Variants in OPA1 observed in about 807,000 individuals in gnomAD.
OPA1 encodes the protein OPA1 mitochondrial dynamin like GTPase.
Under a neutral mutation model 152.9 loss-of-function variants are expected in OPA1, and 59 were observed. That is an observed-to-expected ratio of 0.39 (90% CI 0.31 to 0.48). The LOEUF (loss-of-function observed/expected upper bound fraction) is 0.48, where lower values mean the gene tolerates loss of function less well. Among genes scored for constraint, OPA1 ranks in the 20% least tolerant of loss-of-function variants. The pLI is 0.96. For missense variants in OPA1, 1,008 were observed against 1,216.8 expected, an observed-to-expected ratio of 0.83 and a Z score of 2.55; for synonymous variants, 400 against 389.9, an observed-to-expected ratio of 1.03 and a Z score of -0.31.
intron 30 of OPA1, among the ~76,000 whole-genome samples, 174 bp from the exon 31 acceptor site, chr3:193,694,429 TAAA>T (rs1271276387): frequency 2.0e-5 from 3 of 152,190 alleles, no homozygotes; most frequent in Admixed American, 6.5e-5. Context: ...TTATGTTTGA[TAAA>T]AAAATTATGC....
At chr3:193,606,715 T>C (rs1727340947) in intron 1 of OPA1, among the ~76,000 whole-genome samples, 1 of 152,312 alleles carries the variant, frequency 6.6e-6, no homozygotes, top group South Asian at 2.1e-4. Context: ...TGAATAGTGC[T>C]GCAATAAACA....
intron 30 of OPA1, among the ~76,000 whole-genome samples, chr3:193,693,077 C>CA (rs1208487964): frequency 1.3e-5 from 2 of 152,266 alleles, no homozygotes; most frequent in African/African-American, 4.8e-5. Context: ...ACCCTACAGA[C>CA]AGCCTGCAGC....
chr3:193,643,109 A>G lies in OPA1; in HGVS notation c.1305+60A>G, dbSNP rs1448222213. The G allele has an allele frequency of 2.3e-5, 32 of 1,371,844 alleles. No homozygotes were observed. In the South Asian group the frequency reaches 2.9e-4, roughly 12 times the overall value. 85.0% of individuals were successfully genotyped at this position (1,371,844 alleles called of 1,614,324 possible). On this transcript the variant is annotated intron_variant, in intron 13 of 30. Coordinates refer to ENST00000361510, the MANE Select transcript of OPA1 (RefSeq NM_130837.3). ...GGAAATTAAATGTTTATGATTTCAA[A>G]TAAATCAAAATCTAGGTATTGATGT... is the stretch of plus-strand genomic sequence containing the variant.
intron 21 of OPA1, among the ~76,000 whole-genome samples, chr3:193,653,153 A>G (rs546703257): frequency 6.6e-6 from 1 of 152,256 alleles, no homozygotes; most frequent in South Asian, 2.1e-4. Flanking sequence ...ACTCTCTGTC[A>G]TTAACTCAGT....
chr3:193,658,135 C>T (rs1714318651), intron 23 of OPA1, among the ~76,000 whole-genome samples: 2 of 151,532 alleles, frequency 1.3e-5, no homozygotes, highest in Non-Finnish European at 2.9e-5. Flanking sequence ...ATCCCAGCTA[C>T]TCGGGAGGCT....
rs116981697 is a variant in OPA1 at position 193,674,214 on chromosome 3, T to C, written c.2983+6934T>C. Among the ~76,000 whole-genome samples the C allele has an allele frequency of 3.1e-3, 469 of 152,362 alleles. 3 individuals are homozygous for C. Among genetic ancestry groups the C allele is most frequent in the South Asian group, 0.017 (83 of 4,830 alleles). ...TCTTCACTTTCCCAGTCTCCTCTTA[T>C]CCTTCATCCTGTGCTTTCTCTTGAT... On this transcript the variant is annotated intron_variant, in intron 29 of 30. Transcript: ENST00000361510.
chr3:193,633,836 A>G (rs1391823675), intron 8 of OPA1, among the ~76,000 whole-genome samples: 1 of 152,150 alleles, frequency 6.6e-6, no homozygotes, highest in African/African-American at 2.4e-5. Context: ...GTGTTAAACA[A>G]CACAGATCTA....
rs3736197 is a variant in OPA1 at position 193,635,139 on chromosome 3, G to A, written c.844-279G>A. On this transcript the variant is annotated intron_variant, in intron 8 of 30. Coordinates refer to ENST00000361510, the MANE Select transcript of OPA1 (RefSeq NM_130837.3). ...AAGAACTACTTCTTTAAATTCTTAC[G>A]TTTTCACTATTTCAAAATAATTTTT... 0.03 allele frequency among the ~76,000 whole-genome samples: 4,585 copies of A among 152,116 alleles called. 65 individuals are homozygous for A. The highest frequency in any genetic ancestry group is 0.035 in the African/African-American group (1,472 of 41,502).
At chr3:193,664,263 A>G (rs970370896) in intron 26 of OPA1, among the ~76,000 whole-genome samples, 2 of 152,100 alleles carry the variant, frequency 1.3e-5, no homozygotes, top group Non-Finnish European at 2.9e-5. Flanking sequence ...AGCTAATAAT[A>G]TGTCCTTTAA....
Position 193,615,054 on chromosome 3 carries a change from T to A in OPA1, c.351+13T>A. On this transcript the variant is annotated intron_variant, in intron 2 of 30. Coordinates refer to ENST00000361510, the MANE Select transcript of OPA1 (RefSeq NM_130837.3). Reference sequence around the variant, plus strand: ...CACAGCCAAAAAGGTGAACTTGACATTCCTCCTGGTTTTCCAATTATTATA... The same window carrying A: ...CACAGCCAAAAAGGTGAACTTGACAATCCTCCTGGTTTTCCAATTATTATA... 6.3e-7 allele frequency: 1 copy of A among 1,593,930 alleles called. No individual in the cohort carries two copies. Among genetic ancestry groups the A allele is most frequent in the Middle Eastern group, 1.7e-4 (1 of 6,016 alleles).
At chr3:193,620,882 A>G (rs868476526) in intron 6 of OPA1, among the ~76,000 whole-genome samples, 1 of 152,224 alleles carries the variant, frequency 6.6e-6, no homozygotes, top group South Asian at 2.1e-4. Context: ...TTGTGTACAA[A>G]TTGATGGTTG....
chr3:193,662,896 A>G lies in OPA1; in HGVS notation c.2595A>G (p.Ala865=). 1.9e-6 allele frequency: 3 copies of G among 1,613,674 alleles called. No individual in the cohort carries two copies. The highest frequency in any genetic ancestry group is 2.5e-6 in the Non-Finnish European group (3 of 1,179,632). ...KCNEEHPAYL[A]SDEITTVRKN... is the part of the protein sequence containing the mutation. ...ATGAGGAGCACCCAGCTTATCTTGC[A>G]AGTGATGAAATAACCACAGTCCGGA... Residue 865 remains alanine (A), a synonymous_variant, in exon 26 of 31, where the codon GCA becomes GCG. Transcript: ENST00000361510.
chr3:193,686,581 TGA>T (rs1720964237), intron 29 of OPA1, among the ~76,000 whole-genome samples: 1 of 152,244 alleles, frequency 6.6e-6, no homozygotes, highest in Non-Finnish European at 1.5e-5. Context: ...TTGAGAATCT[TGA>T]GTGTAGTCTC....
intron 29 of OPA1, among the ~76,000 whole-genome samples, chr3:193,671,939 G>T (rs1435705890): frequency 6.6e-6 from 1 of 152,170 alleles, no homozygotes; most frequent in East Asian, 1.9e-4. Flanking sequence ...TTTCTTGTTT[G>T]CAGTATCTAC....
intron 1 of OPA1, among the ~76,000 whole-genome samples, chr3:193,596,062 A>G (rs1183054395): frequency 1.3e-5 from 2 of 152,150 alleles, no homozygotes; most frequent in African/African-American, 4.8e-5. Flanking sequence ...TAGAAGCTTC[A>G]GTACTTTCTT....
At chr3:193,611,784 G>C (rs1728287229) in intron 1 of OPA1, among the ~76,000 whole-genome samples, 1 of 151,768 alleles carries the variant, frequency 6.6e-6, no homozygotes, top group South Asian at 2.1e-4. Context: ...TTGAGCCCAG[G>C]ATGTTTCACA....
chr3:193,690,523 A>G (rs1721541153), intron 29 of OPA1, among the ~76,000 whole-genome samples: 1 of 152,034 alleles, frequency 6.6e-6, no homozygotes, highest in Admixed American at 6.6e-5. Context: ...TAATATGAAA[A>G]GAATAAATTA....
At chr3:193,671,806 G>A (rs950514400) in intron 29 of OPA1, among the ~76,000 whole-genome samples, 10 of 152,188 alleles carry the variant, frequency 6.6e-5, no homozygotes, top group African/African-American at 2.2e-4. Flanking sequence ...TAATGGATTA[G>A]GGTCATGTGA....
intron 8 of OPA1, among the ~76,000 whole-genome samples, chr3:193,632,486 G>GA (rs755169018): frequency 1.3e-5 from 2 of 151,352 alleles, no homozygotes; most frequent in Non-Finnish European, 3.0e-5. Flanking sequence ...ATCTCAAAAA[G>GA]AAAAAAAAGT....
Sources: allele counts gnomAD v4.1 joint callset (sites outside exome capture counted in the v4.1 genomes callset), GRCh38; gene constraint gnomAD v4.1.1; transcripts MANE v1.5; gene names NCBI Gene and HGNC (gene_info 2026-07-23, HGNC 2026-07-21).